Variants in BTBD9 observed in about 807,000 individuals in gnomAD.
BTBD9 encodes BTB domain containing 9.
BTBD9 carries 49 observed loss-of-function variants against 64.3 expected under a neutral mutation model. The ratio of observed to expected loss-of-function variants is 0.76; its 90% CI spans 0.61 to 0.97. The LOEUF (loss-of-function observed/expected upper bound fraction) is 0.97. Among genes scored for constraint, BTBD9 ranks in the 50% least tolerant of loss-of-function variants. BTBD9 has a pLI of 0.00. For missense variants in BTBD9, 598 were observed against 762.1 expected, an observed-to-expected ratio of 0.78 and a Z score of 2.53; for synonymous variants, 260 against 274.7, an observed-to-expected ratio of 0.95 and a Z score of 0.53.
intron 4 of BTBD9, among the ~76,000 whole-genome samples, chr6:38,587,065 A>G (rs1167838052): frequency 6.5e-5 from 8 of 123,240 alleles, no homozygotes; most frequent in Non-Finnish European, 1.5e-4. Flanking sequence ...CTCCATCTCA[A>G]AAAAAAAAAA....
intron 1 of BTBD9, among the ~76,000 whole-genome samples, chr6:38,634,264 G>A (rs770269547): frequency 1.3e-5 from 2 of 152,098 alleles, no homozygotes; most frequent in Non-Finnish European, 2.9e-5. Context: ...CCTCTCACTA[G>A]GACTAACATG....
In BTBD9 at chr6:38,222,261, T is replaced by TTG. The variant is rs1361665716; in HGVS notation, c.1563-29665_1563-29664insCA. Among the ~76,000 whole-genome samples, 295 of 123,298 alleles carry TTG rather than the reference T, an allele frequency of 2.4e-3. 10 individuals are homozygous for TTG. Among genetic ancestry groups the TTG allele is most frequent in the African/African-American group, 5.5e-3 (167 of 30,452 alleles). 80.9% of individuals were successfully genotyped at this position (123,298 alleles called of 152,430 possible). On this transcript the variant is annotated intron_variant, in intron 9 of 10. Transcript: ENST00000481247. ...GCCTTAATAATTCATTCAGTTGTTTTTTTTTTTTTTTTTTTTTTTGAGACA... is the reference window on the plus strand; with the variant it reads ...GCCTTAATAATTCATTCAGTTGTTTTTGTTTTTTTTTTTTTTTTTTTGAGACA...
At chr6:38,417,723 T>C (rs1375410541) in intron 6 of BTBD9, among the ~76,000 whole-genome samples, 1 of 150,656 alleles carries the variant, frequency 6.6e-6, no homozygotes, top group Non-Finnish European at 1.5e-5. Flanking sequence ...CAGTGAGCCC[T>C]GATTGCGCCA....
chr6:38,336,720 A>T (rs1293961960), intron 7 of BTBD9, among the ~76,000 whole-genome samples: 3 of 152,152 alleles, frequency 2.0e-5, no homozygotes, highest in Admixed American at 2.0e-4. Flanking sequence ...TCTTCCTGAT[A>T]CCAGTACCCC....
At chr6:38,392,660 C>CGTA (rs1766474632) in intron 6 of BTBD9, among the ~76,000 whole-genome samples, 1 of 152,036 alleles carries the variant, frequency 6.6e-6, no homozygotes, top group Non-Finnish European at 1.5e-5. Context: ...TCCAACAACA[C>CGTA]GTAGCAAGAA....
intron 6 of BTBD9, among the ~76,000 whole-genome samples, chr6:38,477,043 G>C (rs1430061827): frequency 6.6e-6 from 1 of 152,202 alleles, no homozygotes; most frequent in East Asian, 1.9e-4. Context: ...GGATGGGTGG[G>C]GTTCTGAAGA....
chr6:38,351,504 G>GTT (rs79539406), intron 6 of BTBD9, among the ~76,000 whole-genome samples: 2,677 of 96,504 alleles, frequency 0.028, 177 homozygotes, highest in African/African-American at 0.066. Flanking sequence ...TTTAATTGTT[G>GTT]TTGTTTTTTT....
In BTBD9 at chr6:38,293,783, C is replaced by T. The variant is rs566262121; in HGVS notation, c.1265-5322G>A. ...GGGCAAAGACTTCATGACTAAAACA[C>T]GAAAAACAATGGCAACAAAAGCCAA... is the stretch of plus-strand genomic sequence containing the variant. On this transcript the variant is annotated intron_variant, in intron 7 of 10. Transcript: ENST00000481247. 5.6e-4 allele frequency among the ~76,000 whole-genome samples: 85 copies of T among 152,174 alleles called. 1 individual carries two copies. The highest frequency in any genetic ancestry group is 3.4e-3 in the Middle Eastern group (1 of 294).
chr6:38,169,768 C>A lies in BTBD9; in HGVS notation c.*5217G>T, dbSNP rs1766676086. ...CAGGGCCTCCTCCACCCCCCCTCCC[C>A]CCCGCCCATTCAGGGCTATAAATAC... On this transcript the variant is annotated 3_prime_UTR_variant, in exon 11 of 11. Transcript: ENST00000481247. 6.6e-6 allele frequency: 1 copy of A among 151,820 alleles called. No homozygotes were observed. Among genetic ancestry groups the A allele is most frequent in the Admixed American group, 6.6e-5 (1 of 15,260 alleles). The allele number at this position is 151,820 out of a possible 1,614,324, so 9.4% of individuals were successfully genotyped here.
At chr6:38,234,495 A>G (rs1303513910) in intron 9 of BTBD9, among the ~76,000 whole-genome samples, 1 of 152,260 alleles carries the variant, frequency 6.6e-6, no homozygotes, top group Non-Finnish European at 1.5e-5. Context: ...GCATTCATGC[A>G]TGTGGGTGTC....
In BTBD9 at chr6:38,371,895, G is replaced by A. The variant is rs557094625; in HGVS notation, c.1155-26802C>T. Among the ~76,000 whole-genome samples the A allele has an allele frequency of 5.9e-5, 9 of 152,000 alleles. No individual in the cohort carries two copies. In the South Asian group the frequency reaches 6.2e-4, roughly 11 times the overall value. ...AAATTCTTGTACCTTTTATGGCCTCGGTGTCAATTTCTAATTTTTATAAAA... is the reference window on the plus strand; with the variant it reads ...AAATTCTTGTACCTTTTATGGCCTCAGTGTCAATTTCTAATTTTTATAAAA... On this transcript the variant is annotated intron_variant, in intron 6 of 10. Transcript: ENST00000481247.
rs971910583 is a variant in BTBD9 at position 38,595,991 on chromosome 6, C to T, written c.186-1664G>A. Reference sequence around the variant, plus strand: ...GCTCCCTTGGAACAATAAACATGAACCCCCAACTTCAACAAGGAGACAAGC... The same window carrying T: ...GCTCCCTTGGAACAATAAACATGAATCCCCAACTTCAACAAGGAGACAAGC... On this transcript the variant is annotated intron_variant, in intron 2 of 10. Coordinates refer to ENST00000481247, the MANE Select transcript of BTBD9 (RefSeq NM_001099272.2). 3 of 985,264 alleles carry T rather than the reference C, an allele frequency of 3.0e-6. No homozygotes were observed. The African/African-American group carries it at 5.2e-5, about 17-fold the overall frequency. 61.0% of individuals were successfully genotyped at this position (985,264 alleles called of 1,614,324 possible). A position where few individuals can be genotyped will look rare whatever the true frequency, so the allele number is the denominator to read the frequency against.
intron 6 of BTBD9, among the ~76,000 whole-genome samples, chr6:38,565,635 TCAAA>T (rs1033242771): frequency 3.3e-5 from 5 of 152,206 alleles, no homozygotes; most frequent in Non-Finnish European, 7.3e-5. Flanking sequence ...GCTTGTCAGT[TCAAA>T]CAAAGATTCA....
chr6:38,393,159 G>A (rs1314040556), intron 6 of BTBD9, among the ~76,000 whole-genome samples: 8 of 152,196 alleles, frequency 5.3e-5, no homozygotes, highest in Non-Finnish European at 1.2e-4. Context: ...CTCCCAAAGT[G>A]CTGGGATTAC....
chr6:38,534,828 G>A (rs1413805117), intron 6 of BTBD9, among the ~76,000 whole-genome samples: 1 of 152,008 alleles, frequency 6.6e-6, no homozygotes, highest in African/African-American at 2.4e-5. Flanking sequence ...CTCCCTTCAT[G>A]AGAAGAACCC....
At chr6:38,472,910 C>T (rs919734744) in intron 6 of BTBD9, among the ~76,000 whole-genome samples, 1 of 152,106 alleles carries the variant, frequency 6.6e-6, no homozygotes, top group Non-Finnish European at 1.5e-5. Flanking sequence ...CTGCAAAATA[C>T]CAAGATTTTA....
chr6:38,387,920 T>C (rs1339479962), intron 6 of BTBD9, among the ~76,000 whole-genome samples: 1 of 152,210 alleles, frequency 6.6e-6, no homozygotes, highest in African/African-American at 2.4e-5. Context: ...TAGCATTCTA[T>C]GTTCTCAGAA....
chr6:38,464,805 CT>C (rs1298751589), intron 6 of BTBD9, among the ~76,000 whole-genome samples: 2 of 152,048 alleles, frequency 1.3e-5, no homozygotes, highest in Non-Finnish European at 2.9e-5. Flanking sequence ...CTATAATTTT[CT>C]TTTTGTATAA....
At chr6:38,187,455 C>T (rs1020736397) in intron 10 of BTBD9, among the ~76,000 whole-genome samples, 1 of 152,130 alleles carries the variant, frequency 6.6e-6, no homozygotes, top group Admixed American at 6.6e-5. Context: ...GGTGGATGTG[C>T]TGAAAGACAC....
Sources: gnomAD v4.1 joint callset for allele counts (sites outside exome capture counted in the v4.1 genomes callset) on GRCh38, gnomAD v4.1.1 for gene constraint, MANE v1.5 for transcripts, NCBI Gene and HGNC (gene_info 2026-07-23, HGNC 2026-07-21) for gene names.